Variants in ZNF385D observed in about 807,000 individuals in gnomAD.
The protein encoded by ZNF385D is zinc finger protein 385D.
In ZNF385D, 15 loss-of-function variants were observed where a neutral mutation model predicts 35.8. The ratio of observed to expected loss-of-function variants is 0.42; its 90% CI spans 0.28 to 0.64. The LOEUF (loss-of-function observed/expected upper bound fraction) is 0.64. Among genes scored for constraint, ZNF385D ranks in the 30% least tolerant of loss-of-function variants. The probability of loss-of-function intolerance (pLI) is 0.23; values close to 1 mark genes in which losing one functional copy is unlikely to be tolerated. For missense variants in ZNF385D, 474 were observed against 494.6 expected (o/e 0.96, Z 0.39); for synonymous variants, 212 against 186.8 (o/e 1.13, Z -1.10).
chr3:22,344,882 T>C (rs1695587717), intron 2 of ZNF385D, among the ~76,000 whole-genome samples: 1 of 152,212 alleles, frequency 6.6e-6, no homozygotes, highest in African/African-American at 2.4e-5. Flanking sequence ...TAAACTTCAA[T>C]GTGCATGACA....
chr3:21,491,721 G>C (rs1346181335), intron 4 of ZNF385D, among the ~76,000 whole-genome samples: 1 of 152,156 alleles, frequency 6.6e-6, no homozygotes, highest in Non-Finnish European at 1.5e-5. Context: ...TTTCATGCAA[G>C]TGTCAGAATT....
At chr3:22,135,003 A>T (rs900804543) in intron 3 of ZNF385D, among the ~76,000 whole-genome samples, 1 of 152,170 alleles carries the variant, frequency 6.6e-6, no homozygotes, top group East Asian at 1.9e-4. Context: ...ATAATTAACA[A>T]TCATACAAAG....
chr3:21,800,954 A>G (rs1017442633), intron 3 of ZNF385D, among the ~76,000 whole-genome samples: 1 of 152,152 alleles, frequency 6.6e-6, no homozygotes, highest in Non-Finnish European at 1.5e-5. Context: ...CTCTTTCACC[A>G]TTAAGTGTAC....
chr3:21,507,841 A>G (rs904503108), intron 4 of ZNF385D, among the ~76,000 whole-genome samples: 1 of 152,180 alleles, frequency 6.6e-6, no homozygotes, highest in Non-Finnish European at 1.5e-5. Flanking sequence ...GTTAGCCTAG[A>G]TGCCTCAGGT....
chr3:22,210,763 T>C (rs1697466933), intron 2 of ZNF385D, among the ~76,000 whole-genome samples: 1 of 151,896 alleles, frequency 6.6e-6, no homozygotes, highest in South Asian at 2.1e-4. Flanking sequence ...CTTTAGGTTC[T>C]AGCCATATGG....
intron 2 of ZNF385D, among the ~76,000 whole-genome samples, chr3:21,610,219 T>G (rs1209137927): frequency 6.6e-6 from 1 of 152,098 alleles, no homozygotes; most frequent in East Asian, 1.9e-4. Context: ...ATAATGAGCT[T>G]CTATTACAAC....
chr3:21,612,640 G>C (rs1424456541), intron 2 of ZNF385D, among the ~76,000 whole-genome samples: 1 of 152,184 alleles, frequency 6.6e-6, no homozygotes, highest in Non-Finnish European at 1.5e-5. Flanking sequence ...TGAGAAGTAA[G>C]ATTAATTGCC....
chr3:22,208,566 T>C (rs1697307830), intron 2 of ZNF385D, among the ~76,000 whole-genome samples: 1 of 151,694 alleles, frequency 6.6e-6, no homozygotes, highest in Admixed American at 6.6e-5. Flanking sequence ...TAAAAGTATA[T>C]AATTATATTG....
chr3:21,520,106 A>G (rs1308212060), intron 3 of ZNF385D, among the ~76,000 whole-genome samples: 3 of 152,178 alleles, frequency 2.0e-5, no homozygotes, highest in Non-Finnish European at 4.4e-5. Flanking sequence ...TTTCCTAAGG[A>G]AAACGTTACA....
intron 3 of ZNF385D, among the ~76,000 whole-genome samples, chr3:22,146,822 CTT>C (rs1704890721): frequency 6.6e-6 from 1 of 152,074 alleles, no homozygotes; most frequent in Non-Finnish European, 1.5e-5. Context: ...TGATGATACT[CTT>C]ATGAAAATAA....
chr3:22,258,059 C>T (rs1455814358), intron 2 of ZNF385D, among the ~76,000 whole-genome samples: 4 of 151,684 alleles, frequency 2.6e-5, no homozygotes, highest in Non-Finnish European at 5.9e-5. Context: ...ATGTTTCCTA[C>T]AGAGGTACAA....
At chr3:22,031,310 G>T (rs750288209) in intron 3 of ZNF385D, among the ~76,000 whole-genome samples, 1 of 152,202 alleles carries the variant, frequency 6.6e-6, no homozygotes, top group African/African-American at 2.4e-5. Flanking sequence ...CCTAGTAGAG[G>T]TTCTTCATGA....
At chr3:22,012,769 A>G (rs1375959914) in intron 3 of ZNF385D, among the ~76,000 whole-genome samples, 1 of 152,138 alleles carries the variant, frequency 6.6e-6, no homozygotes, top group East Asian at 1.9e-4. Context: ...AACATTCTCC[A>G]TAAGCTGCTT....
At chr3:22,039,602 G>C (rs1191520492) in intron 3 of ZNF385D, among the ~76,000 whole-genome samples, 1 of 151,886 alleles carries the variant, frequency 6.6e-6, no homozygotes, top group African/African-American at 2.4e-5. Flanking sequence ...AGCTATTTTT[G>C]ACCTACAAAA....
At chr3:21,602,668 G>T (rs1330906093) in intron 2 of ZNF385D, among the ~76,000 whole-genome samples, 1 of 150,386 alleles carries the variant, frequency 6.6e-6, no homozygotes, top group Non-Finnish European at 1.5e-5. Flanking sequence ...GAGTAGCTGG[G>T]ACTACAGGCG....
At chr3:21,826,637 A>G (rs923883149) in intron 3 of ZNF385D, among the ~76,000 whole-genome samples, 12 of 152,088 alleles carry the variant, frequency 7.9e-5, no homozygotes, top group Admixed American at 4.6e-4. Flanking sequence ...GACAGCAGCT[A>G]TTTCACAGAG....
In ZNF385D at chr3:21,601,473, G is replaced by C. The variant is rs943596847; in HGVS notation, c.166-36789C>G. Among the ~76,000 whole-genome samples the C allele has an allele frequency of 1.6e-4, 24 of 152,318 alleles. 1 individual carries two copies. The highest frequency in any genetic ancestry group is 1.1e-3 in the Admixed American group (17 of 15,306). ...GATTGTAGGCTGCTGTCCCAAGATG[G>C]AGAAAATCCCTGGGGATGAGGCACT... On this transcript the variant is annotated intron_variant, in intron 2 of 7. Coordinates refer to ENST00000281523, the MANE Select transcript of ZNF385D (RefSeq NM_024697.3).
At chr3:21,664,388 C>A (rs2066337014) in intron 2 of ZNF385D, among the ~76,000 whole-genome samples, 1 of 152,086 alleles carries the variant, frequency 6.6e-6, no homozygotes, top group Non-Finnish European at 1.5e-5. Context: ...CTACCAGAAC[C>A]CTGAGTTGTT....
chr3:22,370,867 C>T (rs1696871224), intron 2 of ZNF385D, among the ~76,000 whole-genome samples: 1 of 152,180 alleles, frequency 6.6e-6, no homozygotes, highest in African/African-American at 2.4e-5. Context: ...GCCACATTGT[C>T]ATAGAGCAAA....
Sources: allele counts gnomAD v4.1 joint callset (sites outside exome capture counted in the v4.1 genomes callset), GRCh38; gene constraint gnomAD v4.1.1; transcripts MANE v1.5; gene names NCBI Gene and HGNC (gene_info 2026-07-23, HGNC 2026-07-21).